The following KIAA1549L variants were observed in gnomAD, a reference collection of about 807,000 sequenced individuals.
KIAA1549L encodes the protein UPF0606 protein KIAA1549L.
KIAA1549L carries 88 observed loss-of-function variants against 160.7 expected under a neutral mutation model. The ratio of observed to expected loss-of-function variants is 0.55; its 90% confidence interval spans 0.46 to 0.65. The LOEUF (loss-of-function observed/expected upper bound fraction) is 0.65, where lower values mean the gene tolerates loss of function less well. Among genes scored for constraint, KIAA1549L ranks in the 30% least tolerant of loss-of-function variants. The pLI, the probability that KIAA1549L is intolerant of heterozygous loss-of-function variation, is 0.00. For missense variants in KIAA1549L, 2,258 were observed against 2,437.5 expected (o/e 0.93, Z 1.55); for synonymous variants, 950 against 976.7 (o/e 0.97, Z 0.51).
intron 9 of KIAA1549L, among the ~76,000 whole-genome samples, chr11:33,570,006 C>CTAT (rs377114558): frequency 1.1e-4 from 15 of 134,582 alleles, no homozygotes; most frequent in Non-Finnish European, 2.3e-4. Flanking sequence ...CTCTCTCTCT[C>CTAT]TTTTTTTTTT....
At chr11:33,571,497 A>T (rs1855254110) in intron 9 of KIAA1549L, among the ~76,000 whole-genome samples, 1 of 152,214 alleles carries the variant, frequency 6.6e-6, no homozygotes, top group South Asian at 2.1e-4. Context: ...TGCAGGCTGT[A>T]CAGGAAGCAT....
In KIAA1549L at chr11:33,583,431, C is replaced by A. The variant is rs1297106171; in HGVS notation, c.4496C>A (p.Ala1499Asp). The A allele has an allele frequency of 6.3e-7, 1 of 1,594,010 alleles. No homozygotes were observed. The highest frequency in any genetic ancestry group is 8.5e-7 in the Non-Finnish European group (1 of 1,170,450). The part of the protein sequence containing the change: ...VVTVIIIIIT[A>D]VLCRKNKNDF... ...ACGGTCATCATCATCATCATCACTG[C>A]CGTGCTCTGCAGGAAGAACAAGAAC... Residue 1499 changes from alanine (A) to aspartate (D), a missense_variant, in exon 11 of 21, where the codon GCC (alanine) becomes GAC (aspartate). Transcript: ENST00000658780.
chr11:33,528,373 T>C (rs1482576600), intron 1 of KIAA1549L, among the ~76,000 whole-genome samples: 1 of 152,254 alleles, frequency 6.6e-6, no homozygotes, highest in Non-Finnish European at 1.5e-5. Flanking sequence ...TCTACACTGT[T>C]GGTGGGAATG....
At chr11:33,389,372 T>C (rs2134044881) in intron 1 of KIAA1549L, among the ~76,000 whole-genome samples, 1 of 152,348 alleles carries the variant, frequency 6.6e-6, no homozygotes, top group South Asian at 2.1e-4. Flanking sequence ...TAAGTTCTTG[T>C]TGAAAAGGGA....
chr11:33,518,233 GA>G, intron 1 of KIAA1549L, among the ~76,000 whole-genome samples: 1 of 146,414 alleles, frequency 6.8e-6, no homozygotes, highest in Non-Finnish European at 1.5e-5. Context: ...TAAAACTACT[GA>G]AAAAATTTCT....
At chr11:33,610,034 G>T in intron 15 of KIAA1549L, 68 bp downstream of exon 15, 1 of 1,169,666 alleles carries the variant, frequency 8.5e-7, no homozygotes, top group Non-Finnish European at 1.3e-6. Flanking sequence ...GCCTTGGGCA[G>T]TATATCCTGG....
At position 33,672,911 on chromosome 11, in the gene KIAA1549L, T is replaced by C. The variant is rs1283927550; in HGVS notation, c.*4757T>C. On this transcript the variant is annotated 3_prime_UTR_variant, in exon 21 of 21. Coordinates refer to ENST00000658780, the MANE Select transcript of KIAA1549L (RefSeq NM_012194.3). ...GCTCACGGCCACACACTTGCATGGA[T>C]AAGAAAACCAATGAGCCCCTCAACA... 6.5e-6 allele frequency: 1 copy of C among 153,794 alleles called. No individual in the cohort carries two copies. The highest frequency in any genetic ancestry group is 1.9e-4 in the East Asian group (1 of 5,204). 9.5% of individuals were successfully genotyped at this position (153,794 alleles called of 1,614,324 possible).
intron 12 of KIAA1549L, among the ~76,000 whole-genome samples, chr11:33,598,190 T>TG (rs1850255434): frequency 1.5e-5 from 2 of 135,194 alleles, no homozygotes; most frequent in African/African-American, 5.4e-5. Flanking sequence ...GAGAGAATGT[T>TG]TGTGTGTGTG....
chr11:33,387,794 C>T (rs2134042461), intron 1 of KIAA1549L, among the ~76,000 whole-genome samples: 1 of 152,272 alleles, frequency 6.6e-6, no homozygotes, highest in African/African-American at 2.4e-5. Context: ...AAGATCTTCC[C>T]TTCTTCCCCC....
intron 1 of KIAA1549L, among the ~76,000 whole-genome samples, chr11:33,401,444 C>A (rs924227400): frequency 6.6e-6 from 1 of 151,688 alleles, no homozygotes; most frequent in African/African-American, 2.4e-5. Flanking sequence ...CACGGCTCTT[C>A]TGAATGAGTC....
At chr11:33,617,719 A>G (rs535745748) in intron 15 of KIAA1549L, among the ~76,000 whole-genome samples, 1 of 152,262 alleles carries the variant, frequency 6.6e-6, no homozygotes, top group East Asian at 1.9e-4. Context: ...TGTTTTGTTC[A>G]CTGTGGATGT....
chr11:33,432,639 A>C (rs561299374), intron 1 of KIAA1549L, among the ~76,000 whole-genome samples: 149 of 152,296 alleles, frequency 9.8e-4, no homozygotes, highest in African/African-American at 3.2e-3. Flanking sequence ...AATTCTAAGC[A>C]AAAAGAACAA....
intron 1 of KIAA1549L, among the ~76,000 whole-genome samples, chr11:33,417,874 T>C (rs1311673798): frequency 1.3e-5 from 2 of 152,158 alleles, no homozygotes; most frequent in African/African-American, 4.8e-5. Flanking sequence ...GCCTCTTGGG[T>C]TCCAGCGATT....
At chr11:33,581,486 A>G (rs1005288525) in intron 10 of KIAA1549L, among the ~76,000 whole-genome samples, 6 of 151,640 alleles carry the variant, frequency 4.0e-5, no homozygotes, top group African/African-American at 1.5e-4. Context: ...CTCGGAACCG[A>G]CTTTAACTGT....
At chr11:33,665,520 C>T (rs1852414053) in intron 20 of KIAA1549L, 1 of 152,368 alleles carries the variant, frequency 6.6e-6, no homozygotes, top group Non-Finnish European at 1.5e-5. Flanking sequence ...CATAGTCTCT[C>T]TCTCTTCTGC....
chr11:33,437,789 G>A (rs568236016), intron 1 of KIAA1549L, among the ~76,000 whole-genome samples: 1 of 152,276 alleles, frequency 6.6e-6, no homozygotes, highest in African/African-American at 2.4e-5. Flanking sequence ...CTATTTACTA[G>A]GATTCTTGTC....
chr11:33,479,653 A>G (rs1305239370), intron 1 of KIAA1549L, among the ~76,000 whole-genome samples: 1 of 152,234 alleles, frequency 6.6e-6, no homozygotes, highest in African/African-American at 2.4e-5. Flanking sequence ...GGAATTAAAG[A>G]GACAGAGCTT....
At chr11:33,605,173 T>C (rs1850467945) in intron 13 of KIAA1549L, among the ~76,000 whole-genome samples, 1 of 151,828 alleles carries the variant, frequency 6.6e-6, no homozygotes, top group African/African-American at 2.4e-5. Context: ...TTGTTTTGTT[T>C]TGTTTTGTTT....
chr11:33,627,723 T>C (rs1047020397), intron 16 of KIAA1549L, among the ~76,000 whole-genome samples: 1 of 152,178 alleles, frequency 6.6e-6, no homozygotes, highest in Non-Finnish European at 1.5e-5. Flanking sequence ...TTGTTGATCC[T>C]TTCAAAAAAC....
Sources: gnomAD v4.1 joint callset for allele counts (sites outside exome capture counted in the v4.1 genomes callset) on GRCh38, gnomAD v4.1.1 for gene constraint, MANE v1.5 for transcripts, NCBI Gene and HGNC (gene_info 2026-07-23, HGNC 2026-07-21) for gene names.